The following RAB5C variants were observed in gnomAD, a reference collection of about 807,000 sequenced individuals.
The protein encoded by RAB5C is RAB5C, member RAS oncogene family.
In RAB5C, 4 loss-of-function variants were observed where a neutral mutation model predicts 25.2. The observed-to-expected ratio is 0.16, with a 90% CI of 0.08 to 0.36. The LOEUF is 0.36. Ranked by LOEUF, RAB5C falls within the 10% of genes least tolerant of loss-of-function variation. The probability of loss-of-function intolerance (pLI) is 1.00; values close to 1 mark genes in which losing one functional copy is unlikely to be tolerated. For synonymous variants in RAB5C, 100 were observed against 106.4 expected (o/e 0.94, Z 0.37); for missense variants, 199 against 283.8 (o/e 0.70, Z 2.15).
chr17:42,144,103 A>G (rs927209272), intron 1 of RAB5C, among the ~76,000 whole-genome samples: 1 of 152,156 alleles, frequency 6.6e-6, no homozygotes, highest in Non-Finnish European at 1.5e-5. Flanking sequence ...TGGATTATAA[A>G]CCAAAGTGTA....
At chr17:42,139,065 CAG>C (rs1474597816) in intron 1 of RAB5C, among the ~76,000 whole-genome samples, 1 of 152,226 alleles carries the variant, frequency 6.6e-6, no homozygotes, top group East Asian at 1.9e-4. Flanking sequence ...TGGAGAGGCT[CAG>C]AGAGGAGCAG....
At chr17:42,149,768 G>A (rs2079658165) in intron 1 of RAB5C, among the ~76,000 whole-genome samples, 1 of 151,606 alleles carries the variant, frequency 6.6e-6, no homozygotes, top group Admixed American at 6.6e-5. Context: ...TCTGTTCAAT[G>A]TCTACAAAAT....
chr17:42,130,530 A>C lies in RAB5C; in HGVS notation c.-28T>G. On this transcript the variant is annotated 5_prime_UTR_variant, in exon 2 of 6. Coordinates refer to ENST00000346213, the MANE Select transcript of RAB5C (RefSeq NM_004583.4). ...CCCGTCCAGCTGTAGTGGTCCAGAGAGCGTGCGGGTGGGGACTGGTGCTAT... is the reference window on the plus strand; with the variant it reads ...CCCGTCCAGCTGTAGTGGTCCAGAGCGCGTGCGGGTGGGGACTGGTGCTAT... 1 of 1,612,964 alleles carries C rather than the reference A, an allele frequency of 6.2e-7. No homozygotes were observed.
At chr17:42,150,033 T>C (rs1598259455) in intron 1 of RAB5C, among the ~76,000 whole-genome samples, 1 of 152,036 alleles carries the variant, frequency 6.6e-6, no homozygotes, top group Non-Finnish European at 1.5e-5. Flanking sequence ...TACAGGCATG[T>C]GCCACCACGC....
intron 1 of RAB5C, among the ~76,000 whole-genome samples, chr17:42,149,532 T>G (rs577298778): frequency 6.6e-6 from 1 of 152,186 alleles, no homozygotes; most frequent in African/African-American, 2.4e-5. Flanking sequence ...AAGTAAGCCA[T>G]GATCGTCCCA....
At chr17:42,129,995 T>C (rs2054468409) in intron 2 of RAB5C, among the ~76,000 whole-genome samples, 1 of 152,184 alleles carries the variant, frequency 6.6e-6, no homozygotes, top group East Asian at 1.9e-4. Context: ...GGACCACCCA[T>C]TATAGTAAGA....
At chr17:42,130,174 A>T in intron 2 of RAB5C, 163 bp downstream of exon 2, 1 of 931,750 alleles carries the variant, frequency 1.1e-6, no homozygotes, top group Non-Finnish European at 1.6e-6. Flanking sequence ...TGGCATGGAG[A>T]CCAGTTGCTG....
chr17:42,130,059 A>C (rs2054468794), intron 2 of RAB5C: 1 of 376,200 alleles, frequency 2.7e-6, no homozygotes, highest in Admixed American at 4.3e-5. Context: ...AGGGCAGTGA[A>C]AGGGCCTCAG....
In RAB5C at chr17:42,131,768, G is replaced by GT. The variant is rs2054488877; in HGVS notation, c.-88-1179dup. On this transcript the variant is annotated intron_variant, in intron 1 of 5. Coordinates refer to ENST00000346213, the MANE Select transcript of RAB5C (RefSeq NM_004583.4). ...GACAGCTTCAGAGGCTCAACTTTTT[G>GT]TTTTTGTTAAGTTTTGGAATTGCAG... 7 of 673,256 alleles carry GT rather than the reference G, an allele frequency of 1.0e-5. No individual in the cohort carries two copies. The South Asian group carries it at 1.3e-4, about 13-fold the overall frequency. The allele number at this position is 673,256 out of a possible 1,614,324, so 41.7% of individuals were successfully genotyped here.
At chr17:42,145,520 G>A (rs983233157) in intron 1 of RAB5C, among the ~76,000 whole-genome samples, 5 of 152,254 alleles carry the variant, frequency 3.3e-5, no homozygotes, top group Non-Finnish European at 5.9e-5. Flanking sequence ...ACAGCCAGGC[G>A]TGTTAGCTCA....
intron 1 of RAB5C, chr17:42,136,162 T>C (rs1243297016): frequency 6.6e-6 from 1 of 152,110 alleles, no homozygotes; most frequent in Non-Finnish European, 1.5e-5. Flanking sequence ...AGGAAGTAAC[T>C]CGGTTCAAAG....
chr17:42,127,314 T>C (rs1227502499), intron 4 of RAB5C, among the ~76,000 whole-genome samples: 1 of 152,186 alleles, frequency 6.6e-6, no homozygotes, highest in Non-Finnish European at 1.5e-5. Flanking sequence ...TGCATATTTC[T>C]GGAAGGACAA....
At chr17:42,140,513 ATATTTTTTTT>A (rs2054586116) in intron 1 of RAB5C, among the ~76,000 whole-genome samples, 2 of 34,162 alleles carry the variant, frequency 5.9e-5, no homozygotes, top group Non-Finnish European at 8.6e-5. Context: ...ATATATATAT[ATATTTTTTTT>A]TTTTTTTTTT....
rs890099004 is a variant in RAB5C, at chr17:42,154,941, T to C, written c.-137A>G. ...ACTTGGGGCCGGGGCTCGGACGGGA[T>C]CCGCTTCTCTCCCCGCCGGCGGTGT... On this transcript the variant is annotated 5_prime_UTR_variant, in exon 1 of 6. Transcript: ENST00000346213. 6.6e-6 allele frequency: 1 copy of C among 152,280 alleles called. No individual in the cohort carries two copies. The highest frequency in any genetic ancestry group is 1.5e-5 in the Non-Finnish European group (1 of 68,078). The allele number at this position is 152,280 out of a possible 1,614,324, so 9.4% of individuals were successfully genotyped here.
At position 42,145,655 on chromosome 17, in the gene RAB5C, C is replaced by T. The variant is rs564853928; in HGVS notation, c.-89+9238G>A. ...CAAAAATTAGCCAGGCGTGGTGGTGCATTTCTGTAGTCCCAGCTACTTGGG... is the reference window on the plus strand; with the variant it reads ...CAAAAATTAGCCAGGCGTGGTGGTGTATTTCTGTAGTCCCAGCTACTTGGG... On this transcript the variant is annotated intron_variant, in intron 1 of 5. Coordinates refer to ENST00000346213, the MANE Select transcript of RAB5C (RefSeq NM_004583.4). 3.9e-5 allele frequency among the ~76,000 whole-genome samples: 6 copies of T among 152,248 alleles called. No individual in the cohort carries two copies. In the South Asian group the frequency reaches 6.2e-4, roughly 16 times the overall value.
chr17:42,130,733 C>T (rs2054477014), intron 1 of RAB5C, 143 bp from the exon 2 acceptor site: 1 of 1,051,300 alleles, frequency 9.5e-7, no homozygotes, highest in South Asian at 1.8e-5. Flanking sequence ...GCCCTCCCCA[C>T]TAGAGGTCAG....
At position 42,130,430 on chromosome 17, in the gene RAB5C, C is replaced by T; in HGVS notation, c.73G>A (p.Val25Ile). 1 of 1,614,186 alleles carries T rather than the reference C, an allele frequency of 6.2e-7. No homozygotes were observed. Among genetic ancestry groups the T allele is most frequent in the Non-Finnish European group, 8.5e-7 (1 of 1,180,034 alleles). ...AGNKICQFKL[V>I]LLGESAVGKS... The stretch of plus-strand genomic sequence containing the variant: ...CCTACCGCAGACTCCCCCAGCAGAA[C>T]CAGCTTAAATTGACAGATCTTGTTC... The change falls in exon 2 of 6, where the codon GTT becomes ATT. Residue 25 changes from valine to isoleucine, a missense_variant. Val to Ile is a conservative substitution (Grantham distance 29). This residue lies in a region of RAB5C where 24 missense variants were observed against 64.0 expected (regional missense o/e 0.38). Coordinates refer to ENST00000346213, the MANE Select transcript of RAB5C (RefSeq NM_004583.4).
chr17:42,144,254 T>C (rs8082565), intron 1 of RAB5C, among the ~76,000 whole-genome samples: 151,380 of 151,494 alleles, frequency 1, 75,633 homozygotes, highest in Admixed American at 1. Context: ...GCCTGGAGCT[T>C]GAGACCAACC....
chr17:42,130,492 C>G lies in RAB5C; in HGVS notation c.11G>C (p.Arg4Pro). 6.2e-7 allele frequency: 1 copy of G among 1,614,090 alleles called. No homozygotes were observed. The highest frequency in any genetic ancestry group is 8.5e-7 in the Non-Finnish European group (1 of 1,180,006). Residue 4 changes from arginine (R) to proline (P), a missense_variant, in exon 2 of 6, where the codon CGG becomes CCG. Coordinates refer to ENST00000346213, the MANE Select transcript of RAB5C (RefSeq NM_004583.4). The stretch of plus-strand genomic sequence containing the variant: ...TCCATTGGGTCGTGCTGCGCCTCCC[C>G]GACCCGCCATTGCCCGTCCAGCTGT... MAG[R>P]GGAARPNGPA... is the part of the protein sequence containing the mutation.
Sources: allele counts gnomAD v4.1 joint callset (sites outside exome capture counted in the v4.1 genomes callset), GRCh38; gene constraint gnomAD v4.1.1; regional missense constraint gnomAD v4.1.1; transcripts MANE v1.5; gene names NCBI Gene and HGNC (gene_info 2026-07-23, HGNC 2026-07-21).